Variants in GLIS3 observed in about 807,000 individuals in gnomAD.
GLIS3 encodes zinc finger protein GLIS3.
GLIS3 carries 53 observed loss-of-function variants against 78.6 expected under a neutral mutation model. That is an observed-to-expected ratio of 0.67 (90% confidence interval 0.54 to 0.85). The LOEUF is 0.85. Ranked by LOEUF, GLIS3 falls within the 40% of genes least tolerant of loss-of-function variation. GLIS3 has a pLI of 0.00. For missense variants in GLIS3, 1,703 were observed against 1,231.1 expected, an observed-to-expected ratio of 1.38 and a Z score of -5.74; for synonymous variants, 684 against 509.9, an observed-to-expected ratio of 1.34 and a Z score of -4.60.
Position 4,140,367 on chromosome 9 carries a change from C to T in GLIS3, c.389-14426G>A, listed in dbSNP as rs557551502. 3.3e-5 allele frequency among the ~76,000 whole-genome samples: 5 copies of T among 152,218 alleles called. No homozygotes were observed. The East Asian group carries it at 9.6e-4, about 29-fold the overall frequency. ...CAGAACAAAAAAAGCCACCAGACTA[C>T]CTTTGTTTTTCCCTAAGCAGTAATT... On this transcript the variant is annotated intron_variant, in intron 2 of 10. Transcript: ENST00000381971.
chr9:3,843,029 T>C (rs1209821101), intron 9 of GLIS3, among the ~76,000 whole-genome samples: 2 of 152,154 alleles, frequency 1.3e-5, no homozygotes, highest in African/African-American at 4.8e-5. Flanking sequence ...CCTGGCTCTC[T>C]CTCCCAATGC....
intron 6 of GLIS3, among the ~76,000 whole-genome samples, chr9:3,907,318 T>C (rs1285163704): frequency 2.0e-5 from 3 of 152,148 alleles, no homozygotes; most frequent in East Asian, 1.9e-4. Context: ...TAACTGCCGA[T>C]TGGATTTCTA....
chr9:4,007,895 G>GT (rs1171839351), intron 4 of GLIS3, among the ~76,000 whole-genome samples: 1 of 109,566 alleles, frequency 9.1e-6, no homozygotes, highest in Non-Finnish European at 1.9e-5. Flanking sequence ...GTGGGTGGGC[G>GT]TTGGGGGGGG....
intron 4 of GLIS3, among the ~76,000 whole-genome samples, chr9:4,112,161 A>G (rs1402629765): frequency 1.3e-5 from 2 of 152,214 alleles, no homozygotes; most frequent in South Asian, 2.1e-4. Context: ...GTTCAGCACA[A>G]GACTCCTCCC....
intron 4 of GLIS3, among the ~76,000 whole-genome samples, chr9:4,101,662 TG>T (rs1325444295): frequency 6.6e-6 from 1 of 152,206 alleles, no homozygotes; most frequent in African/African-American, 2.4e-5. Context: ...GAAAGCTGTT[TG>T]TTTTTAAACT....
At chr9:4,021,971 C>G (rs774173651) in intron 4 of GLIS3, among the ~76,000 whole-genome samples, 1 of 152,156 alleles carries the variant, frequency 6.6e-6, no homozygotes. Context: ...TGTTAAATAG[C>G]GGCTCGGTTA....
intron 4 of GLIS3, among the ~76,000 whole-genome samples, chr9:4,030,222 C>T (rs1823713357): frequency 1.3e-5 from 2 of 152,066 alleles, no homozygotes; most frequent in Non-Finnish European, 2.9e-5. Flanking sequence ...TTTTCATATG[C>T]CTGTTTGCCA....
At position 4,118,487 on chromosome 9, in the gene GLIS3, T is replaced by C. The variant is rs1200219404; in HGVS notation, c.991A>G (p.Ile331Val). ...GCCGGCGAAGCCCTCGACCCGTTGA[T>C]GTAGGCCACCAAGGACGTGGGCGAC... ...RTSPTSLVAY[I>V]NGSRASPANL... Residue 331 changes from isoleucine (I) to valine (V), a missense_variant, in exon 4 of 11, where the codon ATC becomes GTC. By Grantham distance (29) the Ile-to-Val change is conservative (BLOSUM62 3). Coordinates refer to ENST00000381971, the MANE Select transcript of GLIS3 (RefSeq NM_001042413.2). The surrounding 1 kb of genome is among the most constrained non-coding windows in gnomAD (Gnocchi z 4.7). 2 of 1,614,140 alleles carry C rather than the reference T, an allele frequency of 1.2e-6. No individual in the cohort carries two copies. Among genetic ancestry groups the C allele is most frequent in the African/African-American group, 1.3e-5 (1 of 75,072 alleles).
intron 4 of GLIS3, among the ~76,000 whole-genome samples, chr9:4,033,170 AACTTCTCAGAGTTCTGCACCAGAATGGC>A (rs1823997769): frequency 6.6e-6 from 1 of 152,124 alleles, no homozygotes; most frequent in Admixed American, 6.5e-5. Context: ...AGAATTCTTG[AACTTCTCAGAGTTCTGCACCAGAATGGC>A]ACAGTGCTGG....
chr9:4,095,467 G>C (rs1049861499), intron 4 of GLIS3, among the ~76,000 whole-genome samples: 1 of 152,180 alleles, frequency 6.6e-6, no homozygotes, highest in Non-Finnish European at 1.5e-5. Flanking sequence ...CTTTTGGTGG[G>C]ACTAGATTGG....
At chr9:4,460,643 G>A in the GLIS3 span, among the ~76,000 whole-genome samples, 7 of 142,006 alleles carry the variant, frequency 4.9e-5, no homozygotes, top group Middle Eastern at 3.6e-3. Flanking sequence ...GCCATCCCAA[G>A]AGGAGCTTAA....
chr9:4,010,672 T>C (rs1430499225), intron 4 of GLIS3, among the ~76,000 whole-genome samples: 4 of 152,198 alleles, frequency 2.6e-5, no homozygotes, highest in African/African-American at 9.7e-5. Context: ...CTGTGGCTCT[T>C]TCCTTTGATT....
At chr9:4,213,851 T>G (rs1016294940) in intron 2 of GLIS3, among the ~76,000 whole-genome samples, 3 of 151,512 alleles carry the variant, frequency 2.0e-5, no homozygotes, top group African/African-American at 7.3e-5. Context: ...GTTCTAGATA[T>G]CAGGGTCACA....
At chr9:4,288,323 AC>A (rs1468558754) in intron 1 of GLIS3, among the ~76,000 whole-genome samples, 2 of 151,484 alleles carry the variant, frequency 1.3e-5, no homozygotes, top group African/African-American at 2.4e-5. Flanking sequence ...GCAGCAACCC[AC>A]CCCCCGCCAA....
intron 1 of GLIS3, among the ~76,000 whole-genome samples, chr9:4,288,065 A>C (rs1479111805): frequency 6.6e-6 from 1 of 152,180 alleles, no homozygotes; most frequent in Admixed American, 6.5e-5. Flanking sequence ...ATGAGTACGA[A>C]GCAGGAGTGA....
At chr9:4,073,042 C>G (rs1827742648) in intron 4 of GLIS3, among the ~76,000 whole-genome samples, 1 of 151,526 alleles carries the variant, frequency 6.6e-6, no homozygotes, top group African/African-American at 2.4e-5. Context: ...AAATTGGTCC[C>G]TTAAGTAATT....
chr9:3,832,235 ATAG>A (rs1818089883), intron 9 of GLIS3, among the ~76,000 whole-genome samples: 1 of 150,006 alleles, frequency 6.7e-6, no homozygotes, highest in African/African-American at 2.4e-5. Flanking sequence ...TATAAATTAC[ATAG>A]TATATATGTT....
the GLIS3 span, among the ~76,000 whole-genome samples, chr9:4,451,741 A>G: frequency 2.0e-5 from 3 of 152,158 alleles, no homozygotes; most frequent in Admixed American, 6.5e-5. Context: ...CTTCGCCTGA[A>G]TGACTACTGG....
chr9:3,942,245 AT>A (rs1212248766), intron 4 of GLIS3, among the ~76,000 whole-genome samples: 1 of 152,188 alleles, frequency 6.6e-6, no homozygotes, highest in African/African-American at 2.4e-5. Context: ...TATACATTTG[AT>A]TTGAATTAAG....
Sources: allele counts gnomAD v4.1 joint callset (sites outside exome capture counted in the v4.1 genomes callset), GRCh38; gene constraint gnomAD v4.1.1; non-coding constraint Gnocchi (gnomAD v3.1); transcripts MANE v1.5; gene names NCBI Gene and HGNC (gene_info 2026-07-23, HGNC 2026-07-21).